Variants in MCPH1 observed in about 807,000 individuals in gnomAD.
MCPH1 encodes the protein microcephalin 1.
MCPH1 carries 104 observed loss-of-function variants against 84.5 expected under a neutral mutation model. The ratio of observed to expected loss-of-function variants is 1.23; its 90% CI spans 1.05 to 1.45. MCPH1 has a LOEUF of 1.45. MCPH1 is among the 40% of genes most tolerant of loss of function. MCPH1 has a pLI of 0.00. For missense variants in MCPH1, 1,498 were observed against 1,005.7 expected (o/e 1.49, Z -6.62); for synonymous variants, 514 against 366.8 (o/e 1.40, Z -4.58).
chr8:6,407,362 A>T (rs1214884696), intron 1 of MCPH1, among the ~76,000 whole-genome samples: 1 of 152,042 alleles, frequency 6.6e-6, no homozygotes, highest in Non-Finnish European at 1.5e-5. Flanking sequence ...ATCATTTTAC[A>T]GGCAGAAACT....
At chr8:6,417,544 C>G (rs1799493388) in intron 3 of MCPH1, among the ~76,000 whole-genome samples, 1 of 151,878 alleles carries the variant, frequency 6.6e-6, no homozygotes, top group Non-Finnish European at 1.5e-5. Context: ...TCAGATTGAT[C>G]TTTTTTCAAG....
chr8:6,523,692 C>T (rs764274349), intron 12 of MCPH1, among the ~76,000 whole-genome samples: 1 of 152,186 alleles, frequency 6.6e-6, no homozygotes, highest in Non-Finnish European at 1.5e-5. Flanking sequence ...CGGATTCAAG[C>T]AGTTCTCCTG....
intron 12 of MCPH1, among the ~76,000 whole-genome samples, chr8:6,524,160 T>C (rs975012215): frequency 6.6e-6 from 1 of 152,218 alleles, no homozygotes; most frequent in African/African-American, 2.4e-5. Context: ...ATTTGCACAT[T>C]GCAGAGTTTT....
intron 12 of MCPH1, among the ~76,000 whole-genome samples, chr8:6,608,959 TAG>T (rs1442919910): frequency 6.6e-6 from 1 of 152,164 alleles, no homozygotes; most frequent in Non-Finnish European, 1.5e-5. Flanking sequence ...AATGCACAGC[TAG>T]GATGAGCTTC....
At chr8:6,437,867 G>T (rs962771212) in intron 5 of MCPH1, among the ~76,000 whole-genome samples, 1 of 152,024 alleles carries the variant, frequency 6.6e-6, no homozygotes, top group Non-Finnish European at 1.5e-5. Flanking sequence ...CATCCCTCCT[G>T]CACCACTGCA....
intron 12 of MCPH1, among the ~76,000 whole-genome samples, chr8:6,557,995 C>A (rs563380674): frequency 6.6e-6 from 1 of 152,290 alleles, no homozygotes; most frequent in African/African-American, 2.4e-5. Context: ...GACTGACTCC[C>A]TCACAGGTGG....
chr8:6,531,875 G>C (rs1369908665), intron 12 of MCPH1, among the ~76,000 whole-genome samples: 1 of 152,164 alleles, frequency 6.6e-6, no homozygotes, highest in East Asian at 1.9e-4. Context: ...CATTCCACAG[G>C]CTGTGTTAGC....
At chr8:6,417,354 G>A (rs1399193532) in intron 3 of MCPH1, among the ~76,000 whole-genome samples, 1 of 152,162 alleles carries the variant, frequency 6.6e-6, no homozygotes, top group Non-Finnish European at 1.5e-5. Context: ...GGTGTGAAAG[G>A]CGTAATAGAA....
chr8:6,510,511 C>T (rs1333422961), intron 12 of MCPH1, among the ~76,000 whole-genome samples: 2 of 152,158 alleles, frequency 1.3e-5, no homozygotes, highest in African/African-American at 4.8e-5. Flanking sequence ...TTAGTTTTAC[C>T]TGCTGGTCGG....
chr8:6,523,545 A>G (rs1334748617), intron 12 of MCPH1, among the ~76,000 whole-genome samples: 1 of 152,202 alleles, frequency 6.6e-6, no homozygotes, highest in East Asian at 1.9e-4. Context: ...CCCAGGAACA[A>G]ACTCAAAGAC....
chr8:6,645,020 T>C lies in MCPH1; in HGVS notation c.*1971T>C, dbSNP rs183178347. On this transcript the variant is annotated 3_prime_UTR_variant, in exon 14 of 14. Coordinates refer to ENST00000344683, the MANE Select transcript of MCPH1 (RefSeq NM_024596.5). ...ATTCCTGAGTTCACTCGCTTCACATTACATATGTTTCTCTATAACCACAAG... is the reference window on the plus strand; with the variant it reads ...ATTCCTGAGTTCACTCGCTTCACATCACATATGTTTCTCTATAACCACAAG... 1 of 152,378 alleles carries C rather than the reference T, an allele frequency of 6.6e-6. No individual in the cohort carries two copies. The highest frequency in any genetic ancestry group is 1.5e-5 in the Non-Finnish European group (1 of 68,042). 9.4% of individuals were successfully genotyped at this position (152,378 alleles called of 1,614,324 possible). A position where few individuals can be genotyped will look rare whatever the true frequency, so the allele number is the denominator to read the frequency against.
intron 3 of MCPH1, among the ~76,000 whole-genome samples, chr8:6,430,551 T>C (rs1005129914): frequency 6.6e-6 from 1 of 152,242 alleles, no homozygotes; most frequent in African/African-American, 2.4e-5. Context: ...TTTCTGAAAC[T>C]TCCTTTATTC....
At position 6,444,529 on chromosome 8, in the gene MCPH1, G is replaced by T; in HGVS notation, c.807G>T (p.Leu269Phe). 1.2e-6 allele frequency: 2 copies of T among 1,614,104 alleles called. No homozygotes were observed. Among genetic ancestry groups the T allele is most frequent in the East Asian group, 2.2e-5 (1 of 44,882 alleles). ...ATGTGTGTATTTCTTCACTTGTATT[G>T]AAAGCAAATAATATTCATTCATCAC... is the stretch of plus-strand genomic sequence containing the variant. ...KSDVCISSLV[L>F]KANNIHSSPS... The change falls in exon 8 of 14, where the codon TTG becomes TTT. Residue 269 changes from leucine (L) to phenylalanine (F), a missense_variant. Transcript: ENST00000344683.
chr8:6,517,082 A>G (rs1207396559), intron 12 of MCPH1, among the ~76,000 whole-genome samples: 4 of 152,268 alleles, frequency 2.6e-5, no homozygotes, highest in Non-Finnish European at 5.9e-5. Context: ...AGAGAAAGAT[A>G]GTGTTCAAAT....
chr8:6,622,468 GGA>G (rs1393282834), intron 13 of MCPH1, among the ~76,000 whole-genome samples: 1 of 152,246 alleles, frequency 6.6e-6, no homozygotes, highest in Admixed American at 6.5e-5. Flanking sequence ...GCCCTGTGGT[GGA>G]GTCATATGTG....
intron 11 of MCPH1, among the ~76,000 whole-genome samples, chr8:6,492,241 G>T (rs1179968858): frequency 3.3e-5 from 5 of 152,188 alleles, no homozygotes; most frequent in African/African-American, 9.6e-5. Context: ...TGATGCGCAT[G>T]TTTTCATGTG....
intron 12 of MCPH1, among the ~76,000 whole-genome samples, chr8:6,559,228 A>T (rs1825128723): frequency 4.2e-5 from 1 of 23,630 alleles, no homozygotes; most frequent in African/African-American, 1.1e-4. Context: ...GCCACACACG[A>T]CAACACACAC....
intron 10 of MCPH1, among the ~76,000 whole-genome samples, chr8:6,478,957 A>C (rs1163550051): frequency 1.3e-5 from 2 of 152,176 alleles, no homozygotes; most frequent in Non-Finnish European, 2.9e-5. Flanking sequence ...GGACATACCT[A>C]AGATCACTAG....
chr8:6,619,734 A>G (rs1387210452), intron 12 of MCPH1, among the ~76,000 whole-genome samples: 2 of 151,986 alleles, frequency 1.3e-5, no homozygotes, highest in Admixed American at 6.6e-5. Flanking sequence ...ACAGGTGCCC[A>G]CCACCACGCC....
Sources: gnomAD v4.1 joint callset for allele counts (sites outside exome capture counted in the v4.1 genomes callset) on GRCh38, gnomAD v4.1.1 for gene constraint, MANE v1.5 for transcripts, NCBI Gene and HGNC (gene_info 2026-07-23, HGNC 2026-07-21) for gene names.